ERC2: variants seen among roughly 807,000 people sequenced by gnomAD.
ERC2 encodes the protein ERC protein 2.
In ERC2, 42 loss-of-function variants were observed where a neutral mutation model predicts 114.8. The ratio of observed to expected loss-of-function variants is 0.37; its 90% confidence interval spans 0.29 to 0.47. ERC2 has a LOEUF of 0.47. ERC2 is among the 20% of genes least tolerant of loss of function. ERC2 has a pLI of 0.99. For missense variants in ERC2, 939 were observed against 1,150.7 expected, an observed-to-expected ratio of 0.82 and a Z score of 2.66; for synonymous variants, 454 against 425.5, an observed-to-expected ratio of 1.07 and a Z score of -0.82.
chr3:55,891,733 A>T (rs1215280765), intron 13 of ERC2, among the ~76,000 whole-genome samples: 1 of 151,888 alleles, frequency 6.6e-6, no homozygotes, highest in Non-Finnish European at 1.5e-5. Context: ...GCATGAGCCA[A>T]CTGTCTGATT....
intron 13 of ERC2, among the ~76,000 whole-genome samples, chr3:55,944,193 A>G (rs2066987801): frequency 6.6e-6 from 1 of 152,234 alleles, no homozygotes; most frequent in African/African-American, 2.4e-5. Context: ...TACATTTGAG[A>G]AATATGTTGC....
At chr3:56,089,517 A>C (rs1434331666) in intron 6 of ERC2, among the ~76,000 whole-genome samples, 1 of 152,180 alleles carries the variant, frequency 6.6e-6, no homozygotes, top group Non-Finnish European at 1.5e-5. Context: ...AAATATTATT[A>C]CTCAACCTGT....
At chr3:55,957,823 G>A (rs2149460402) in intron 12 of ERC2, among the ~76,000 whole-genome samples, 1 of 152,314 alleles carries the variant, frequency 6.6e-6, no homozygotes, top group South Asian at 2.1e-4. Context: ...ACCAGGAAAT[G>A]CGGTGGTACC....
Position 55,564,730 on chromosome 3 carries a change from C to T in ERC2, c.*40-53454G>A, listed in dbSNP as rs1319857909. 3.3e-5 allele frequency among the ~76,000 whole-genome samples: 5 copies of T among 152,344 alleles called. No individual in the cohort carries two copies. In the East Asian group the frequency reaches 7.7e-4, roughly 23 times the overall value. On this transcript the variant is annotated intron_variant, in intron 17 of 17. Coordinates refer to ENST00000288221, the MANE Select transcript of ERC2 (RefSeq NM_015576.3). ...GCAAATAGTTTCTAAGAAGTGTCCA[C>T]AGAAAGACCCTCCCTCTTTGACCCA...
intron 13 of ERC2, among the ~76,000 whole-genome samples, chr3:55,899,248 A>C (rs888734762): frequency 1.3e-5 from 2 of 152,182 alleles, no homozygotes; most frequent in African/African-American, 4.8e-5. Context: ...ATAACTAATG[A>C]ATTACTATTT....
chr3:55,699,000 G>A (rs1262813711), intron 16 of ERC2, among the ~76,000 whole-genome samples: 1 of 152,122 alleles, frequency 6.6e-6, no homozygotes, highest in Non-Finnish European at 1.5e-5. Flanking sequence ...CTAGGAAAGT[G>A]CTCAGCGAAC....
chr3:56,446,577 A>T (rs137926720), intron 1 of ERC2, among the ~76,000 whole-genome samples: 91 of 151,570 alleles, frequency 6.0e-4, no homozygotes, highest in African/African-American at 2.0e-3. Context: ...TAAAACAAGG[A>T]AGTCAAGGAA....
At chr3:56,128,069 T>A (rs1361716767) in intron 6 of ERC2, among the ~76,000 whole-genome samples, 7 of 151,778 alleles carry the variant, frequency 4.6e-5, no homozygotes, top group South Asian at 2.1e-4. Context: ...AAAAAATAAA[T>A]AAAAATAAAT....
intron 15 of ERC2, among the ~76,000 whole-genome samples, chr3:55,721,268 G>C (rs1172351755): frequency 6.6e-6 from 1 of 152,190 alleles, no homozygotes; most frequent in Non-Finnish European, 1.5e-5. Context: ...GCCTCTTCAA[G>C]TTTTTGTGGG....
intron 2 of ERC2, among the ~76,000 whole-genome samples, chr3:56,372,606 T>A (rs2059397560): frequency 6.6e-6 from 1 of 152,132 alleles, no homozygotes; most frequent in Non-Finnish European, 1.5e-5. Context: ...GCGTGCCTGT[T>A]GTCCCCCGCT....
chr3:55,808,742 T>TATATATATAAAA (rs1455596885), intron 14 of ERC2, among the ~76,000 whole-genome samples: 31 of 100,366 alleles, frequency 3.1e-4, no homozygotes, highest in African/African-American at 1.4e-3. Flanking sequence ...TATATATATA[T>TATATATATAAAA]AACGTATAAC....
chr3:55,902,526 C>T (rs906691925), intron 13 of ERC2, among the ~76,000 whole-genome samples: 1 of 152,196 alleles, frequency 6.6e-6, no homozygotes, highest in African/African-American at 2.4e-5. Flanking sequence ...GTATGAGAGG[C>T]ACCACATGAG....
chr3:56,058,246 A>C (rs2076096664), intron 7 of ERC2, among the ~76,000 whole-genome samples: 1 of 152,222 alleles, frequency 6.6e-6, no homozygotes, highest in Admixed American at 6.5e-5. Flanking sequence ...GTAGATGTAC[A>C]GACCTGCAAG....
intron 15 of ERC2, among the ~76,000 whole-genome samples, chr3:55,722,133 A>G (rs1207374519): frequency 6.6e-6 from 1 of 151,952 alleles, no homozygotes; most frequent in Non-Finnish European, 1.5e-5. Context: ...TGTGTCAAAG[A>G]TCATTTGAAT....
chr3:55,727,233 T>G (rs2064977937), intron 15 of ERC2, among the ~76,000 whole-genome samples: 1 of 152,206 alleles, frequency 6.6e-6, no homozygotes, highest in African/African-American at 2.4e-5. Flanking sequence ...TTTCTTATAT[T>G]TTTTAGAACT....
At chr3:56,436,424 T>C (rs1193111959) in intron 1 of ERC2, among the ~76,000 whole-genome samples, 1 of 152,170 alleles carries the variant, frequency 6.6e-6, no homozygotes, top group Non-Finnish European at 1.5e-5. Context: ...ATAAGTACAT[T>C]AATAGCAGTA....
intron 14 of ERC2, among the ~76,000 whole-genome samples, chr3:55,757,328 C>A (rs1311450650): frequency 6.6e-6 from 1 of 152,040 alleles, no homozygotes; most frequent in African/African-American, 2.4e-5. Context: ...TTAAAGAAAT[C>A]TGAGAACTGG....
intron 14 of ERC2, among the ~76,000 whole-genome samples, chr3:55,822,482 T>C (rs2060164082): frequency 6.6e-6 from 1 of 152,138 alleles, no homozygotes; most frequent in African/African-American, 2.4e-5. Context: ...TCAGTGAGCA[T>C]GCTTAATTGG....
intron 12 of ERC2, among the ~76,000 whole-genome samples, chr3:55,972,921 G>A (rs968342188): frequency 1.3e-4 from 20 of 152,170 alleles, no homozygotes; most frequent in East Asian, 1.9e-4. Flanking sequence ...TCTGTCAAGT[G>A]CAAACAATGA....
Sources: gnomAD v4.1 joint callset for allele counts (sites outside exome capture counted in the v4.1 genomes callset) on GRCh38, gnomAD v4.1.1 for gene constraint, MANE v1.5 for transcripts, NCBI Gene and HGNC (gene_info 2026-07-23, HGNC 2026-07-21) for gene names.